The following MUC5AC variants were observed in gnomAD, a reference collection of about 807,000 sequenced individuals.
The protein encoded by MUC5AC is mucin 5AC, oligomeric mucus/gel-forming.
Under a neutral mutation model 169.7 loss-of-function variants are expected in MUC5AC, and 158 were observed. The observed-to-expected ratio is 0.93, with a 90% CI of 0.82 to 1.06. The LOEUF is 1.06. MUC5AC is among the 50% of genes least tolerant of loss of function. The probability of loss-of-function intolerance (pLI) is 0.00; values close to 1 mark genes in which losing one functional copy is unlikely to be tolerated. For missense variants in MUC5AC, 4,359 were observed against 3,089.9 expected (o/e 1.41, Z -9.74); for synonymous variants, 1,975 against 1,237.0 (o/e 1.60, Z -12.52).
chr11:1,192,161 C>T lies in MUC5AC; in HGVS notation c.14016C>T (p.Thr4672=), dbSNP rs1312005505. The change falls in exon 31 of 49, where the codon ACC becomes ACT. Residue 4672 remains threonine (T), a synonymous_variant. Transcript: ENST00000621226. ...EKICRRPEEI[T]RLQCRAESHP... ...TCTGCCGCCGACCTGAGGAGATCAC[C>T]AGGCTCCAGTGCCGAGCCGAGAGCC... 2.6e-6 allele frequency: 2 copies of T among 764,976 alleles called. No individual in the cohort carries two copies. Among genetic ancestry groups the T allele is most frequent in the Admixed American group, 3.4e-5 (2 of 59,012 alleles). 47.4% of individuals were successfully genotyped at this position (764,976 alleles called of 1,614,324 possible).
At chr11:1,173,224 ATTTC>A (rs1430795197) in intron 16 of MUC5AC, among the ~76,000 whole-genome samples, 2 of 149,490 alleles carry the variant, frequency 1.3e-5, no homozygotes, top group Admixed American at 6.7e-5. Context: ...TCATTCACGA[ATTTC>A]TTCACTCATT....
At position 1,164,518 on chromosome 11, in the gene MUC5AC, GC is replaced by G. The variant is rs1450067076; in HGVS notation, c.1116del (p.Phe373SerfsTer88). ...TGTGAGGACCACTGTGTGGCCGGCT[GC>G]TTCTGCCCTGAGGGTGAGGCTCCCC... Reference protein sequence around the residue: ...RACEDHCVAGCFCPEGTVLDD... With the variant: ...RACEDHCVAGXFCPEGTVLDD... On this transcript the variant is annotated frameshift_variant, in exon 9 of 49. Coordinates refer to ENST00000621226, the MANE Select transcript of MUC5AC (RefSeq NM_001304359.2). LOFTEE classifies it high-confidence loss of function. 3 of 1,610,710 alleles carry G rather than the reference GC, an allele frequency of 1.9e-6. No individual in the cohort carries two copies. The highest frequency in any genetic ancestry group is 2.5e-6 in the Non-Finnish European group (3 of 1,179,136).
rs1413101891 is a variant in MUC5AC at position 1,182,367 on chromosome 11, G to A, written c.4222G>A (p.Asp1408Asn). The A allele has an allele frequency of 3.0e-5, 12 of 398,434 alleles. No individual in the cohort carries two copies. Among genetic ancestry groups the A allele is most frequent in the Non-Finnish European group, 4.9e-5 (11 of 226,024 alleles). 24.7% of individuals were successfully genotyped at this position (398,434 alleles called of 1,614,324 possible). A position where few individuals can be genotyped will look rare whatever the true frequency, so the allele number is the denominator to read the frequency against. Residue 1408 changes from aspartate (D) to asparagine (N), a missense_variant, in exon 31 of 49, where the codon GAC becomes AAC. Transcript: ENST00000621226. The stretch of plus-strand genomic sequence containing the variant: ...ACGGGGCACGGACAGCGGTGACTTC[G>A]ACACACTGGAGAACCTCCGCGCCCA... ...PGRGTDSGDF[D>N]TLENLRAHGY... is the part of the protein sequence containing the mutation.
At chr11:1,160,445 G>T (rs1860105195) in intron 1 of MUC5AC, among the ~76,000 whole-genome samples, 167 bp from the exon 2 acceptor site, 1 of 95,938 alleles carries the variant, frequency 1.0e-5, no homozygotes, top group Non-Finnish European at 2.8e-5. Flanking sequence ...CATGGACAGA[G>T]GCCTCCTAGG....
Position 1,188,159 on chromosome 11 carries a change from C to T in MUC5AC, c.10014C>T (p.Thr3338=), listed in dbSNP as rs1860998745. The T allele has an allele frequency of 4.2e-6, 3 of 715,174 alleles. No homozygotes were observed. In the South Asian group the frequency reaches 4.6e-5, roughly 11 times the overall value. The allele number at this position is 715,174 out of a possible 1,614,324, so 44.3% of individuals were successfully genotyped here. ...CCACACCTGTGACAGCTCCTAGCAC[C>T]CCTAGTGGGAGAGCCACCAGCCCAA... ...VTSTPVTAPS[T]PSGRATSPTQ... Residue 3338 remains threonine (T), a synonymous_variant, in exon 31 of 49, where the codon ACC becomes ACT. Transcript: ENST00000621226.
Position 1,186,657 on chromosome 11 carries a change from C to G in MUC5AC, c.8512C>G (p.Pro2838Ala). 2.7e-6 allele frequency: 2 copies of G among 732,966 alleles called. No individual in the cohort carries two copies. The highest frequency in any genetic ancestry group is 2.8e-5 in the South Asian group (2 of 70,532). The allele number at this position is 732,966 out of a possible 1,614,324, so 45.4% of individuals were successfully genotyped here. The stretch of plus-strand genomic sequence containing the variant: ...TTCTGGTCCTGGAACTACTTCAAGC[C>G]CTGTTCCCACCACCAGCACAACCTC... ...TTSGPGTTSS[P>A]VPTTSTTSAP... Residue 2838 changes from proline (P) to alanine (A), a missense_variant, in exon 31 of 49, where the codon CCT becomes GCT. Coordinates refer to ENST00000621226, the MANE Select transcript of MUC5AC (RefSeq NM_001304359.2).
chr11:1,184,517 G>A lies in MUC5AC; in HGVS notation c.6372G>A (p.Thr2124=), dbSNP rs1245966195. 116 of 651,316 alleles carry A rather than the reference G, an allele frequency of 1.8e-4. No homozygotes were observed. In the African/African-American group the frequency reaches 1.9e-3, roughly 10 times the overall value. The allele number at this position is 651,316 out of a possible 1,614,324, so 40.3% of individuals were successfully genotyped here. A position where few individuals can be genotyped will look rare whatever the true frequency, so the allele number is the denominator to read the frequency against. Residue 2124 remains threonine (T), a synonymous_variant, in exon 31 of 49, where the codon ACG becomes ACA. Transcript: ENST00000621226. The stretch of plus-strand genomic sequence containing the variant: ...GTCATCCCCGGTGCACCTGGACAAC[G>A]TGGTTCGACGTGGACTTCCCGTCCC... The part of the protein sequence containing the change: ...RNCHPRCTWT[T]WFDVDFPSPG...
In MUC5AC at chr11:1,184,751, G is replaced by C; in HGVS notation, c.6606G>C (p.Lys2202Asn). 1 of 643,634 alleles carries C rather than the reference G, an allele frequency of 1.6e-6. No individual in the cohort carries two copies. Among genetic ancestry groups the C allele is most frequent in the South Asian group, 1.8e-5 (1 of 56,042 alleles). The allele number at this position is 643,634 out of a possible 1,614,324, so 39.9% of individuals were successfully genotyped here. Residue 2202 changes from lysine to asparagine, a missense_variant, in exon 31 of 49, where the codon AAG becomes AAC. Coordinates refer to ENST00000621226, the MANE Select transcript of MUC5AC (RefSeq NM_001304359.2). ...ACCAGGACCAGCAGGGACCCTTCAA[G>C]ATGTGCCTCAACTACGAGGTGCGTG... Reference protein sequence around the residue: ...CRNQDQQGPFKMCLNYEVRVL... With the variant: ...CRNQDQQGPFNMCLNYEVRVL...
In MUC5AC at chr11:1,198,115, G is replaced by A. The variant is rs28578580; in HGVS notation, c.16135+111G>A. On this transcript the variant is annotated intron_variant, in intron 42 of 48. Coordinates refer to ENST00000621226, the MANE Select transcript of MUC5AC (RefSeq NM_001304359.2). ...GCGGCTTGTCCACTGCGGGTCTGTGGCTCTGGACTGAGCCTTCCGCAGAGA... is the reference window on the plus strand; with the variant it reads ...GCGGCTTGTCCACTGCGGGTCTGTGACTCTGGACTGAGCCTTCCGCAGAGA... 1,594 of 660,550 alleles carry A rather than the reference G, an allele frequency of 2.4e-3. 17 individuals are homozygous for A. In the African/African-American group the frequency reaches 0.026, roughly 11 times the overall value. 40.9% of individuals were successfully genotyped at this position (660,550 alleles called of 1,614,324 possible).
At chr11:1,161,244 G>GCA (rs1312291203) in intron 2 of MUC5AC, among the ~76,000 whole-genome samples, 2 of 152,196 alleles carry the variant, frequency 1.3e-5, no homozygotes, top group Non-Finnish European at 2.9e-5. Flanking sequence ...TGCAGACTCA[G>GCA]GTTCTGAGGC....
intron 15 of MUC5AC, among the ~76,000 whole-genome samples, chr11:1,171,797 C>T (rs1860552322): frequency 6.8e-6 from 1 of 146,882 alleles, no homozygotes. Context: ...CCCACTCACC[C>T]ACTCATCCAT....
intron 15 of MUC5AC, among the ~76,000 whole-genome samples, chr11:1,171,278 TCACTCAC>T (rs1860517019): frequency 6.6e-5 from 7 of 105,904 alleles, no homozygotes; most frequent in Admixed American, 1.9e-4. Flanking sequence ...ACTCACCCAC[TCACTCAC>T]CCATTCACCC....
chr11:1,166,522 CT>C (rs1361939154), intron 11 of MUC5AC, among the ~76,000 whole-genome samples: 27 of 133,306 alleles, frequency 2.0e-4, no homozygotes, highest in South Asian at 5.3e-4. Context: ...CACACAGTCT[CT>C]CCACGATGAG....
Position 1,199,720 on chromosome 11 carries a change from G to A in MUC5AC, c.16541G>A (p.Gly5514Asp), listed in dbSNP as rs1354239680. The change falls in exon 47 of 49, where the codon GGC becomes GAC. Residue 5514 changes from glycine to aspartate, a missense_variant. Coordinates refer to ENST00000621226, the MANE Select transcript of MUC5AC (RefSeq NM_001304359.2). Reference sequence around the variant, plus strand: ...GACGAGGCCCGCATGAGCAAGGACGGCTGCTGCCGCTTCTGCCCGCCGCCC... The same window carrying A: ...GACGAGGCCCGCATGAGCAAGGACGACTGCTGCCGCTTCTGCCCGCCGCCC... ...SLDEARMSKDGCCRFCPPPPP... is the reference protein window; with the variant it reads ...SLDEARMSKDDCCRFCPPPPP... The A allele has an allele frequency of 2.8e-6, 2 of 711,638 alleles. No individual in the cohort carries two copies. The highest frequency in any genetic ancestry group is 3.9e-5 in the Admixed American group (2 of 51,062). The allele number at this position is 711,638 out of a possible 1,614,324, so 44.1% of individuals were successfully genotyped here. A position where few individuals can be genotyped will look rare whatever the true frequency, so the allele number is the denominator to read the frequency against.
At position 1,191,242 on chromosome 11, in the gene MUC5AC, C is replaced by G. The variant is rs1214343195; in HGVS notation, c.13097C>G (p.Thr4366Arg). 1.4e-6 allele frequency: 1 copy of G among 733,110 alleles called. No individual in the cohort carries two copies. The highest frequency in any genetic ancestry group is 1.8e-5 in the African/African-American group (1 of 56,326). The allele number at this position is 733,110 out of a possible 1,614,324, so 45.4% of individuals were successfully genotyped here. A position where few individuals can be genotyped will look rare whatever the true frequency, so the allele number is the denominator to read the frequency against. ...ACAACCAGCACAACCTCTGCCTCTA[C>G]AGCCAGCACAACCTCTGGTCCTGGA... ...APTTSTTSASTASTTSGPGTT... is the reference protein window; with the variant it reads ...APTTSTTSASRASTTSGPGTT... Residue 4366 changes from threonine to arginine, a missense_variant, in exon 31 of 49, where the codon ACA becomes AGA. Transcript: ENST00000621226.
Position 1,190,460 on chromosome 11 carries a change from A to T in MUC5AC, c.12315A>T (p.Thr4105=). The T allele has an allele frequency of 1.4e-6, 1 of 694,638 alleles. No individual in the cohort carries two copies. The highest frequency in any genetic ancestry group is 2.6e-6 in the Non-Finnish European group (1 of 381,484). 43.0% of individuals were successfully genotyped at this position (694,638 alleles called of 1,614,324 possible). The stretch of plus-strand genomic sequence containing the variant: ...CAACCTCCACTCCACAGACCAGCAC[A>T]ACCTCTGCCCCTACAACCAGCACAA... ...TSTTSTPQTS[T]TSAPTTSTIP... is the part of the protein sequence containing the mutation. Residue 4105 remains threonine (T), a synonymous_variant, in exon 31 of 49, where the codon ACA becomes ACT. Transcript: ENST00000621226.
intron 25 of MUC5AC, 80 bp downstream of exon 25, chr11:1,178,763 G>T: frequency 1.3e-6 from 1 of 762,424 alleles, no homozygotes; most frequent in Non-Finnish European, 1.8e-6. Context: ...AGAAGGGAAT[G>T]GGGTCTGGGA....
chr11:1,174,518 A>C lies in MUC5AC; in HGVS notation c.1988A>C (p.Asn663Thr), dbSNP rs1184465876. Residue 663 changes from asparagine to threonine, a missense_variant, in exon 17 of 49, where the codon AAC becomes ACC. Coordinates refer to ENST00000621226, the MANE Select transcript of MUC5AC (RefSeq NM_001304359.2). Reference sequence around the variant, plus strand: ...CAGAACTGCATGTTTGACACCTGCAACTGTGAGCGGAGCGAGGACTGCCTG... The same window carrying C: ...CAGAACTGCATGTTTGACACCTGCACCTGTGAGCGGAGCGAGGACTGCCTG... ...YYSNCMFDTC[N>T]CERSEDCLCA... 2.6e-6 allele frequency: 4 copies of C among 1,561,268 alleles called. No homozygotes were observed. In the African/African-American group the frequency reaches 5.4e-5, roughly 21 times the overall value.
At chr11:1,173,384 C>T (rs1860598074) in intron 16 of MUC5AC, among the ~76,000 whole-genome samples, 1 of 149,322 alleles carries the variant, frequency 6.7e-6, no homozygotes, top group Non-Finnish European at 1.5e-5. Flanking sequence ...CCTTCACTCA[C>T]TCATTCACTC....
Sources: allele counts gnomAD v4.1 joint callset (sites outside exome capture counted in the v4.1 genomes callset), GRCh38; gene constraint gnomAD v4.1.1; transcripts MANE v1.5; gene names NCBI Gene and HGNC (gene_info 2026-07-23, HGNC 2026-07-21).